CCDC33: variants seen among roughly 807,000 people sequenced by gnomAD.
CCDC33 encodes coiled-coil domain-containing protein 33.
A neutral mutation model predicts 91.9 loss-of-function variants in CCDC33; 94 were observed. The ratio of observed to expected loss-of-function variants is 1.02; its 90% CI spans 0.87 to 1.21. The LOEUF is 1.21. Among genes scored for constraint, CCDC33 ranks in the 50% most tolerant of loss-of-function variants. The pLI is 0.00. For missense variants in CCDC33, 940 were observed against 935.5 expected (o/e 1.00, Z -0.06); for synonymous variants, 396 against 374.5 (o/e 1.06, Z -0.66).
chr15:74,247,117 C>G (rs897995530), intron 2 of CCDC33, among the ~76,000 whole-genome samples: 2 of 151,322 alleles, frequency 1.3e-5, no homozygotes, highest in African/African-American at 4.9e-5. Context: ...TGCACTCCAG[C>G]CTGGGCAACA....
chr15:74,336,449 C>G (rs1409967251), downstream of CCDC33: 1 of 1,281,526 alleles, frequency 7.8e-7, no homozygotes, highest in Admixed American at 2.5e-5. Flanking sequence ...AAACATCTAT[C>G]ATGTCTGATA....
intron 11 of CCDC33, among the ~76,000 whole-genome samples, chr15:74,317,510 G>A (rs1567028487): frequency 6.6e-6 from 1 of 152,246 alleles, no homozygotes; most frequent in Non-Finnish European, 1.5e-5. Context: ...CCAGCAGCAG[G>A]GGTGGAGATT....
chr15:74,238,446 A>G (rs997412240), intron 1 of CCDC33, among the ~76,000 whole-genome samples: 11 of 151,524 alleles, frequency 7.3e-5, no homozygotes, highest in African/African-American at 2.7e-4. Context: ...TCATGTATAT[A>G]TAATACATAT....
intron 2 of CCDC33, among the ~76,000 whole-genome samples, chr15:74,255,486 G>A (rs1000155433): frequency 6.6e-6 from 1 of 152,262 alleles, no homozygotes; most frequent in Admixed American, 6.5e-5. Flanking sequence ...GGGGACAGAG[G>A]AGCAACTGGC....
intron 11 of CCDC33, chr15:74,302,543 CGGCT>C (rs1207598710): frequency 2.0e-5 from 3 of 152,346 alleles, no homozygotes; most frequent in Admixed American, 1.3e-4. Context: ...CCAGAAAGGG[CGGCT>C]GGCCGTGTAG....
chr15:74,310,786 G>A (rs921661276), intron 11 of CCDC33, among the ~76,000 whole-genome samples: 8 of 152,206 alleles, frequency 5.3e-5, no homozygotes, highest in African/African-American at 1.7e-4. Flanking sequence ...TCAGGGATGG[G>A]GAGAGTGAGG....
chr15:74,321,935 T>C (rs1278140387), intron 11 of CCDC33, among the ~76,000 whole-genome samples: 2 of 151,004 alleles, frequency 1.3e-5, no homozygotes, highest in Admixed American at 1.3e-4. Flanking sequence ...AGATGAGGAG[T>C]GCCAGGCTGG....
upstream of CCDC33, among the ~76,000 whole-genome samples, chr15:74,215,447 T>C (rs911008802): frequency 6.6e-6 from 1 of 152,166 alleles, no homozygotes; most frequent in Non-Finnish European, 1.5e-5. Flanking sequence ...TTCTGGAGAT[T>C]GGTTGCACAA....
At chr15:74,216,436 G>T (rs966670089), upstream of CCDC33, among the ~76,000 whole-genome samples, 2 of 149,696 alleles carry the variant, frequency 1.3e-5, no homozygotes, top group East Asian at 2.0e-4. Flanking sequence ...AGAACTCTTT[G>T]TCTCAGCTTC....
Position 74,272,902 on chromosome 15 carries a change from TC to T in CCDC33, c.759+15del. 6.2e-7 allele frequency: 1 copy of T among 1,614,032 alleles called. No individual in the cohort carries two copies. The highest frequency in any genetic ancestry group is 8.5e-7 in the Non-Finnish European group (1 of 1,179,920). ...AACGGATGCCCTCAGGTATGTCTCC[TC>T]CCCAGTGGTTCCAGCTTCCTGTAAC... On this transcript the variant is annotated intron_variant, in intron 7 of 18. Transcript: ENST00000398814.
Position 74,252,495 on chromosome 15 carries a change from G to A in CCDC33, c.185+8347G>A, listed in dbSNP as rs577119419. Among the ~76,000 whole-genome samples, 16 of 152,368 alleles carry A rather than the reference G, an allele frequency of 1.1e-4. No individual in the cohort carries two copies. In the East Asian group the frequency reaches 3.1e-3, roughly 29 times the overall value. ...TGATGTTCCACTCGAAGCTCACTGC[G>A]AGCTCGGCTATTTACACCCTCTGGT... On this transcript the variant is annotated intron_variant, in intron 2 of 18. Transcript: ENST00000398814.
chr15:74,279,559 G>A (rs137978784), intron 7 of CCDC33, among the ~76,000 whole-genome samples: 5,839 of 151,896 alleles, frequency 0.038, 392 homozygotes, highest in African/African-American at 0.13. Flanking sequence ...ATTTAGAGAC[G>A]GAGTTTCGCT....
intron 1 of CCDC33, chr15:74,207,652 G>A (rs987692242): frequency 4.6e-5 from 69 of 1,505,556 alleles, no homozygotes; most frequent in Non-Finnish European, 5.8e-5. Flanking sequence ...AAGAGAACAC[G>A]CAAGAGAGGC....
At chr15:74,268,901 T>G (rs1238154143) in intron 5 of CCDC33, among the ~76,000 whole-genome samples, 1 of 152,370 alleles carries the variant, frequency 6.6e-6, no homozygotes, top group Middle Eastern at 3.4e-3. Flanking sequence ...AAGCAAAAGT[T>G]TAGGGCCTCC....
At chr15:74,312,576 CGCCTATGTACACA>C (rs543418539) in intron 11 of CCDC33, among the ~76,000 whole-genome samples, 117 of 152,300 alleles carry the variant, frequency 7.7e-4, no homozygotes, top group African/African-American at 2.8e-3. Context: ...CTGTTCACAG[CGCCTATGTACACA>C]GGCTTCGCTC....
intron 10 of CCDC33, among the ~76,000 whole-genome samples, chr15:74,295,127 G>A (rs2059660041): frequency 6.6e-6 from 1 of 152,132 alleles, no homozygotes; most frequent in Non-Finnish European, 1.5e-5. Flanking sequence ...TTTAGAAGCT[G>A]TTGTTACTGC....
At chr15:74,260,805 A>C (rs1185363148) in intron 2 of CCDC33, among the ~76,000 whole-genome samples, 1 of 152,204 alleles carries the variant, frequency 6.6e-6, no homozygotes, top group Non-Finnish European at 1.5e-5. Context: ...GGCTGGTCAC[A>C]GGAGGGTCAA....
At chr15:74,321,999 G>A (rs920783661) in intron 11 of CCDC33, among the ~76,000 whole-genome samples, 1 of 152,126 alleles carries the variant, frequency 6.6e-6, no homozygotes, top group Admixed American at 6.5e-5. Context: ...GAAGATAGGG[G>A]CCCAGAAGGC....
chr15:74,327,330 G>A (rs958889757), intron 11 of CCDC33, among the ~76,000 whole-genome samples: 1 of 152,152 alleles, frequency 6.6e-6, no homozygotes, highest in African/African-American at 2.4e-5. Flanking sequence ...CTGTCAAAGC[G>A]AGGTGTTAAT....
Sources: allele counts gnomAD v4.1 joint callset (sites outside exome capture counted in the v4.1 genomes callset), GRCh38; gene constraint gnomAD v4.1.1; transcripts MANE v1.5; gene names NCBI Gene and HGNC (gene_info 2026-07-23, HGNC 2026-07-21).